The following CTNNA3 variants were observed in gnomAD, a reference collection of about 807,000 sequenced individuals.
CTNNA3 encodes the protein catenin alpha-3.
In CTNNA3, 76 loss-of-function variants were observed where a neutral mutation model predicts 95.7. The observed-to-expected ratio is 0.79, with a 90% CI of 0.66 to 0.96. CTNNA3 has a LOEUF of 0.96. CTNNA3 is among the 40% of genes least tolerant of loss of function. CTNNA3 has a pLI of 0.00. For synonymous variants in CTNNA3, 431 were observed against 374.4 expected (o/e 1.15, Z -1.74); for missense variants, 1,191 against 1,089.8 (o/e 1.09, Z -1.31).
intron 7 of CTNNA3, among the ~76,000 whole-genome samples, chr10:67,108,558 A>C (rs1336751327): frequency 2.0e-5 from 3 of 152,356 alleles, no homozygotes; most frequent in African/African-American, 7.2e-5. Context: ...TGAATAAATA[A>C]TTGTGACTCA....
At chr10:66,631,452 A>G (rs968287314) in intron 9 of CTNNA3, among the ~76,000 whole-genome samples, 1 of 152,192 alleles carries the variant, frequency 6.6e-6, no homozygotes, top group Non-Finnish European at 1.5e-5. Context: ...TATTCCCAGA[A>G]TGAACAAATG....
At chr10:67,158,734 C>T (rs1861411676) in intron 7 of CTNNA3, among the ~76,000 whole-genome samples, 1 of 152,090 alleles carries the variant, frequency 6.6e-6, no homozygotes, top group South Asian at 2.1e-4. Context: ...TGCTTCCTTG[C>T]TTGCTACCTG....
rs1021951007 is a variant in CTNNA3 at position 67,230,981 on chromosome 10, G to A, written c.580-11111C>T. Among the ~76,000 whole-genome samples the A allele has an allele frequency of 7.1e-4, 108 of 152,332 alleles. 1 individual carries two copies. Among genetic ancestry groups the A allele is most frequent in the African/African-American group, 2.5e-3 (105 of 41,590 alleles). Reference sequence around the variant, plus strand: ...GCTTTTCCGACGGGCTTAAAAAACGGCGCACCAGGAGACTGTGTCCCGCAC... The same window carrying A: ...GCTTTTCCGACGGGCTTAAAAAACGACGCACCAGGAGACTGTGTCCCGCAC... On this transcript the variant is annotated intron_variant, in intron 5 of 17. Transcript: ENST00000433211.
chr10:67,666,193 T>G (rs1840327439), intron 1 of CTNNA3, among the ~76,000 whole-genome samples: 1 of 152,162 alleles, frequency 6.6e-6, no homozygotes, highest in African/African-American at 2.4e-5. Flanking sequence ...TAGTGTCCAG[T>G]GGTGGGGTGA....
chr10:66,507,609 C>T (rs1446895379), intron 11 of CTNNA3, among the ~76,000 whole-genome samples: 1 of 152,082 alleles, frequency 6.6e-6, no homozygotes, highest in Non-Finnish European at 1.5e-5. Flanking sequence ...ATTTATCTTT[C>T]CACGTCTGAC....
At chr10:67,446,885 G>A (rs1394324018) in intron 5 of CTNNA3, among the ~76,000 whole-genome samples, 1 of 152,144 alleles carries the variant, frequency 6.6e-6, no homozygotes, top group East Asian at 1.9e-4. Context: ...GAGGGTGGAT[G>A]ATGAGGTCAG....
At chr10:67,372,322 T>C (rs1843501800) in intron 5 of CTNNA3, among the ~76,000 whole-genome samples, 3 of 152,236 alleles carry the variant, frequency 2.0e-5, no homozygotes, top group Non-Finnish European at 2.9e-5. Context: ...TCCTGAATGG[T>C]AATGCCTAGG....
chr10:67,727,446 TTA>T (rs951305375), intron 1 of CTNNA3, among the ~76,000 whole-genome samples: 1 of 133,764 alleles, frequency 7.5e-6, no homozygotes, highest in African/African-American at 2.7e-5. Context: ...TTTCTATATA[TTA>T]TATATCATAT....
At chr10:67,404,135 T>A (rs1845040695) in intron 5 of CTNNA3, among the ~76,000 whole-genome samples, 1 of 152,018 alleles carries the variant, frequency 6.6e-6, no homozygotes, top group African/African-American at 2.4e-5. Context: ...AAAAATCCAG[T>A]GTGCTCCCTT....
intron 15 of CTNNA3, among the ~76,000 whole-genome samples, chr10:66,007,057 GT>G (rs1469092735): frequency 6.6e-6 from 1 of 152,042 alleles, no homozygotes; most frequent in African/African-American, 2.4e-5. Flanking sequence ...ACAGCTATAG[GT>G]CATTAAATTT....
chr10:66,080,707 AC>A (rs1564623900), intron 14 of CTNNA3, among the ~76,000 whole-genome samples: 1 of 152,066 alleles, frequency 6.6e-6, no homozygotes, highest in Non-Finnish European at 1.5e-5. Flanking sequence ...ATGGAACTCA[AC>A]TCTGCTGAAG....
chr10:66,802,315 A>G (rs1841461973), intron 7 of CTNNA3, among the ~76,000 whole-genome samples: 1 of 151,922 alleles, frequency 6.6e-6, no homozygotes, highest in African/African-American at 2.4e-5. Flanking sequence ...ACTTGTAAGC[A>G]GAATATATAA....
chr10:67,404,282 A>G (rs1306946187), intron 5 of CTNNA3, among the ~76,000 whole-genome samples: 3 of 152,090 alleles, frequency 2.0e-5, no homozygotes, highest in African/African-American at 7.2e-5. Context: ...GCACTTTGCA[A>G]CTCAATGCAA....
At chr10:67,107,494 T>C (rs542683639) in intron 7 of CTNNA3, among the ~76,000 whole-genome samples, 1 of 152,350 alleles carries the variant, frequency 6.6e-6, no homozygotes, top group African/African-American at 2.4e-5. Context: ...TAGAAGCTAA[T>C]AATTGTAACA....
At chr10:67,611,360 C>T (rs1218543375) in intron 2 of CTNNA3, among the ~76,000 whole-genome samples, 2 of 151,910 alleles carry the variant, frequency 1.3e-5, no homozygotes, top group Non-Finnish European at 2.9e-5. Flanking sequence ...GTCGCCCAGG[C>T]TGGAGTGCCG....
chr10:67,701,268 C>A (rs1264303122), intron 1 of CTNNA3, among the ~76,000 whole-genome samples: 2 of 152,122 alleles, frequency 1.3e-5, no homozygotes, highest in African/African-American at 4.8e-5. Flanking sequence ...TCAGGAAATA[C>A]AGAGAATGTC....
intron 15 of CTNNA3, among the ~76,000 whole-genome samples, chr10:66,017,205 T>C (rs915723049): frequency 6.6e-6 from 1 of 152,186 alleles, no homozygotes; most frequent in Non-Finnish European, 1.5e-5. Context: ...GAATAATTTA[T>C]AATATGCTTC....
intron 13 of CTNNA3, among the ~76,000 whole-genome samples, chr10:66,123,171 G>A (rs1161932997): frequency 6.6e-6 from 1 of 152,166 alleles, no homozygotes; most frequent in Non-Finnish European, 1.5e-5. Flanking sequence ...TCAAAGGCAA[G>A]TTAGTTACTT....
At chr10:67,451,105 G>A (rs926594584) in intron 5 of CTNNA3, among the ~76,000 whole-genome samples, 3 of 151,968 alleles carry the variant, frequency 2.0e-5, no homozygotes, top group Non-Finnish European at 4.4e-5. Flanking sequence ...GTTATCTCAG[G>A]AGTGGGCTCC....
Sources: gnomAD v4.1 joint callset for allele counts (sites outside exome capture counted in the v4.1 genomes callset) on GRCh38, gnomAD v4.1.1 for gene constraint, MANE v1.5 for transcripts, NCBI Gene and HGNC (gene_info 2026-07-23, HGNC 2026-07-21) for gene names.